SLC13A3: variants seen among roughly 807,000 people sequenced by gnomAD.
SLC13A3 encodes the protein Na(+)/dicarboxylate cotransporter 3.
Under a neutral mutation model 59.0 loss-of-function variants are expected in SLC13A3, and 40 were observed. The observed-to-expected ratio is 0.68, with a 90% CI of 0.53 to 0.88. SLC13A3 has a LOEUF of 0.88. Ranked by LOEUF, SLC13A3 falls within the 40% of genes least tolerant of loss-of-function variation. The pLI, the probability that SLC13A3 is intolerant of heterozygous loss-of-function variation, is 0.00. For missense variants in SLC13A3, 699 were observed against 783.2 expected, an observed-to-expected ratio of 0.89 and a Z score of 1.28; for synonymous variants, 317 against 330.3, an observed-to-expected ratio of 0.96 and a Z score of 0.44.
At chr20:46,681,898 A>G (rs2063155679) in intron 1 of SLC13A3, 1 of 152,196 alleles carries the variant, frequency 6.6e-6, no homozygotes, top group African/African-American at 2.4e-5. Context: ...TTAATCTATT[A>G]GTCCACACGT....
At chr20:46,624,538 C>T (rs2062648618) in intron 1 of SLC13A3, among the ~76,000 whole-genome samples, 1 of 152,230 alleles carries the variant, frequency 6.6e-6, no homozygotes, top group Non-Finnish European at 1.5e-5. Flanking sequence ...TAGCATTATG[C>T]TATTACACAA....
chr20:46,666,254 C>T (rs186460625), intron 1 of SLC13A3, among the ~76,000 whole-genome samples: 4 of 152,334 alleles, frequency 2.6e-5, no homozygotes, highest in African/African-American at 7.2e-5. Flanking sequence ...TTCAACTCCT[C>T]ATTATACCGT....
intron 1 of SLC13A3, among the ~76,000 whole-genome samples, chr20:46,614,217 C>T (rs2062532821): frequency 6.6e-6 from 1 of 152,050 alleles, no homozygotes; most frequent in Non-Finnish European, 1.5e-5. Flanking sequence ...GTGTATGTCC[C>T]ATGAGAAGGT....
chr20:46,613,778 G>C, intron 1 of SLC13A3, 53 bp from the exon 2 acceptor site: 1 of 1,497,762 alleles, frequency 6.7e-7, no homozygotes, highest in Non-Finnish European at 9.0e-7. Flanking sequence ...GGCAGAAGGG[G>C]AAGGAGGCCC....
chr20:46,662,007 A>C (rs1281741097), intron 1 of SLC13A3, among the ~76,000 whole-genome samples: 1 of 152,162 alleles, frequency 6.6e-6, no homozygotes, highest in African/African-American at 2.4e-5. Context: ...CAGTGAGTAG[A>C]GTTTATCTCC....
upstream of SLC13A3, among the ~76,000 whole-genome samples, chr20:46,652,672 G>C (rs1027763602): frequency 2.0e-5 from 3 of 151,692 alleles, no homozygotes; most frequent in Non-Finnish European, 4.4e-5. Flanking sequence ...TGGGATTACA[G>C]GTGTGCGTCA....
chr20:46,566,481 C>A, intron 10 of SLC13A3, 91 bp from the exon 11 acceptor site: 1 of 1,420,464 alleles, frequency 7.0e-7, no homozygotes. Context: ...CAATGACGAC[C>A]ATACCCCTTC....
rs1417983926 is a variant in SLC13A3 at position 46,682,519 on chromosome 20, C to T, written c.-31+1877G>A. The T allele has an allele frequency of 2.0e-5, 3 of 152,056 alleles. No homozygotes were observed. The East Asian group carries it at 5.8e-4, about 29-fold the overall frequency. The allele number at this position is 152,056 out of a possible 1,614,324, so 9.4% of individuals were successfully genotyped here. On this transcript the variant is annotated intron_variant, in intron 1 of 6. Coordinates refer to the SLC13A3 transcript ENST00000372121. ...TTTTAAATGTTCCAGGAATGTGGGC[C>T]TGTGTCAAGTGTTGGTCGCATCTCG...
chr20:46,652,552 T>TA (rs1042954506), upstream of SLC13A3, among the ~76,000 whole-genome samples: 6 of 142,954 alleles, frequency 4.2e-5, no homozygotes, highest in African/African-American at 1.3e-4. Context: ...GGCTAATTTT[T>TA]TTTTTTTTTT....
At chr20:46,682,577 TACTA>T (rs1410174770) in intron 1 of SLC13A3, among the ~76,000 whole-genome samples, 3 of 152,222 alleles carry the variant, frequency 2.0e-5, no homozygotes, top group East Asian at 1.9e-4. Context: ...TTCTGCCATT[TACTA>T]ACTGAGTGGC....
upstream of SLC13A3, among the ~76,000 whole-genome samples, chr20:46,656,291 A>G (rs1273143395): frequency 5.5e-5 from 4 of 72,236 alleles, no homozygotes; most frequent in East Asian, 9.7e-4. Flanking sequence ...TATACTGTAT[A>G]TAATATACTA....
chr20:46,632,397 T>C, intron 1 of SLC13A3, among the ~76,000 whole-genome samples: 1 of 150,852 alleles, frequency 6.6e-6, no homozygotes. Context: ...ATGGATAACA[T>C]GGGAATGACG....
chr20:46,674,055 T>C (rs1366493845), upstream of SLC13A3, among the ~76,000 whole-genome samples: 1 of 152,154 alleles, frequency 6.6e-6, no homozygotes, highest in Non-Finnish European at 1.5e-5. Flanking sequence ...CTTAGTGCTA[T>C]GAAGAAAAAT....
intron 1 of SLC13A3, among the ~76,000 whole-genome samples, chr20:46,677,210 C>T (rs969004318): frequency 1.3e-5 from 2 of 152,176 alleles, no homozygotes; most frequent in African/African-American, 4.8e-5. Context: ...CACCACCTGG[C>T]CTCACAGCTT....
chr20:46,573,027 C>T (rs932065024), intron 10 of SLC13A3, among the ~76,000 whole-genome samples: 2 of 152,202 alleles, frequency 1.3e-5, no homozygotes, highest in African/African-American at 4.8e-5. Flanking sequence ...TTACCCAGAA[C>T]CAGTTACTTA....
At chr20:46,599,942 G>A (rs899716115) in intron 4 of SLC13A3, 29 bp downstream of exon 4, 10 of 1,516,360 alleles carry the variant, frequency 6.6e-6, no homozygotes, top group Non-Finnish European at 8.1e-6. Flanking sequence ...CAAGCACTGG[G>A]TCCTCTATGA....
chr20:46,587,028 G>A (rs942530854), intron 8 of SLC13A3, among the ~76,000 whole-genome samples: 21 of 151,860 alleles, frequency 1.4e-4, no homozygotes, highest in East Asian at 1.9e-4. Flanking sequence ...TGATTTTTCC[G>A]CAGCCATTTA....
chr20:46,577,073 T>G (rs769777456), intron 9 of SLC13A3, among the ~76,000 whole-genome samples: 1 of 102,898 alleles, frequency 9.7e-6, no homozygotes. Context: ...TACAGACGTA[T>G]GAAGCCCACA....
intron 1 of SLC13A3, among the ~76,000 whole-genome samples, chr20:46,648,387 T>C (rs1303861216): frequency 9.2e-5 from 14 of 152,178 alleles, no homozygotes; most frequent in African/African-American, 3.1e-4. Flanking sequence ...GACAATCATA[T>C]AAATATTGTT....
Sources: gnomAD v4.1 joint callset for allele counts (sites outside exome capture counted in the v4.1 genomes callset) on GRCh38, gnomAD v4.1.1 for gene constraint, MANE v1.5 for transcripts, NCBI Gene and HGNC (gene_info 2026-07-23, HGNC 2026-07-21) for gene names.